The following IPCEF1 variants were observed in gnomAD, a reference collection of about 807,000 sequenced individuals.
IPCEF1 encodes the protein interactor protein for cytohesin exchange factors 1.
Under a neutral mutation model 50.9 loss-of-function variants are expected in IPCEF1, and 31 were observed. The ratio of observed to expected loss-of-function variants is 0.61; its 90% CI spans 0.46 to 0.82. IPCEF1 has a LOEUF of 0.82. Ranked by LOEUF, IPCEF1 falls within the 40% of genes least tolerant of loss-of-function variation. IPCEF1 has a pLI of 0.00. For missense variants in IPCEF1, 458 were observed against 514.0 expected (o/e 0.89, Z 1.05); for synonymous variants, 181 against 192.0 (o/e 0.94, Z 0.47).
intron 2 of IPCEF1, among the ~76,000 whole-genome samples, chr6:154,287,548 T>C (rs1782395416): frequency 6.6e-6 from 1 of 152,212 alleles, no homozygotes; most frequent in African/African-American, 2.4e-5. Flanking sequence ...CCCAAGGTCA[T>C]ACAGATTGGT....
At position 154,167,944 on chromosome 6, in the gene IPCEF1, G is replaced by C. The variant is rs1799569245; in HGVS notation, c.1080C>G (p.Ile360Met). 1 of 1,598,380 alleles carries C rather than the reference G, an allele frequency of 6.3e-7. No homozygotes were observed. Among genetic ancestry groups the C allele is most frequent in the Non-Finnish European group, 8.6e-7 (1 of 1,167,602 alleles). Residue 360 changes from isoleucine (I) to methionine (M), a missense_variant, in exon 11 of 12, where the codon ATC (isoleucine) becomes ATG (methionine). Ile to Met is a conservative substitution (Grantham distance 10). Transcript: ENST00000367220. ...NPSINEKLHK[I>M]RTLNSTLKCK... The stretch of plus-strand genomic sequence containing the variant: ...CCTTTAATGTGCTATTCAATGTTCG[G>C]ATTTTGTGGAGTTTCTCGTTTATAG...
chr6:154,237,389 G>A (rs141737015), intron 5 of IPCEF1, among the ~76,000 whole-genome samples: 46 of 152,284 alleles, frequency 3.0e-4, no homozygotes, highest in African/African-American at 1.0e-3. Flanking sequence ...GTCGGTAGGT[G>A]TATTTTTGGA....
At chr6:154,319,230 A>T (rs1335758227) in intron 1 of IPCEF1, among the ~76,000 whole-genome samples, 2 of 152,134 alleles carry the variant, frequency 1.3e-5, no homozygotes, top group Non-Finnish European at 2.9e-5. Context: ...ATTTGGTTTT[A>T]CTTATCTGGA....
intron 5 of IPCEF1, among the ~76,000 whole-genome samples, chr6:154,226,850 TC>T (rs1426239709): frequency 2.0e-5 from 3 of 151,734 alleles, no homozygotes; most frequent in Admixed American, 2.0e-4. Context: ...ATTTCATCTC[TC>T]CCCCTCCCCC....
At chr6:154,226,747 C>A (rs1051783469) in intron 5 of IPCEF1, among the ~76,000 whole-genome samples, 50 of 152,144 alleles carry the variant, frequency 3.3e-4, no homozygotes, top group African/African-American at 1.2e-3. Context: ...TGATTAAATA[C>A]CCTGCATGGT....
At chr6:154,338,913 G>A (rs943481296) in intron 1 of IPCEF1, among the ~76,000 whole-genome samples, 2 of 152,184 alleles carry the variant, frequency 1.3e-5, no homozygotes, top group East Asian at 1.9e-4. Flanking sequence ...ACTCCAGCCC[G>A]AGTGACACAG....
At chr6:154,263,715 C>G (rs1224314579) in intron 3 of IPCEF1, among the ~76,000 whole-genome samples, 1 of 64,550 alleles carries the variant, frequency 1.5e-5, no homozygotes, top group Non-Finnish European at 2.9e-5. Context: ...TTCTATTCCA[C>G]AAAACCGCCA....
At chr6:154,232,867 TTTA>T (rs1234481729) in intron 5 of IPCEF1, among the ~76,000 whole-genome samples, 1 of 151,786 alleles carries the variant, frequency 6.6e-6, no homozygotes, top group Admixed American at 6.6e-5. Context: ...AATCCAAGAA[TTTA>T]TTATTATTAG....
At chr6:154,263,499 C>A (rs1470628424) in intron 3 of IPCEF1, among the ~76,000 whole-genome samples, 2 of 114,368 alleles carry the variant, frequency 1.7e-5, no homozygotes, top group Non-Finnish European at 3.7e-5. Context: ...CATCTTGCAC[C>A]GCCCTTAATC....
chr6:154,247,880 CAAT>C (rs1468379219), intron 3 of IPCEF1, among the ~76,000 whole-genome samples: 1 of 152,158 alleles, frequency 6.6e-6, no homozygotes. Context: ...TTCTAAATAA[CAAT>C]GATTATTCAG....
chr6:154,249,943 G>T (rs1388920811), intron 3 of IPCEF1, among the ~76,000 whole-genome samples: 1 of 151,408 alleles, frequency 6.6e-6, no homozygotes, highest in Middle Eastern at 3.2e-3. Flanking sequence ...GGGGGAGGGA[G>T]CTTAGTTATT....
At chr6:154,286,477 G>A (rs1782361532) in intron 2 of IPCEF1, among the ~76,000 whole-genome samples, 3 of 152,182 alleles carry the variant, frequency 2.0e-5, no homozygotes. Flanking sequence ...ACATGCTTTT[G>A]CATCAAGATG....
intron 1 of IPCEF1, among the ~76,000 whole-genome samples, chr6:154,310,617 T>C (rs1783054388): frequency 6.6e-6 from 1 of 152,160 alleles, no homozygotes; most frequent in South Asian, 2.1e-4. Flanking sequence ...TTCACAATAG[T>C]TAAGATACAG....
At chr6:154,338,376 G>C (rs1783833491) in intron 1 of IPCEF1, among the ~76,000 whole-genome samples, 1 of 152,182 alleles carries the variant, frequency 6.6e-6, no homozygotes, top group Non-Finnish European at 1.5e-5. Context: ...AAGAGTTTCG[G>C]TGATTTTCCA....
At chr6:154,186,213 C>T (rs1801329627) in intron 10 of IPCEF1, among the ~76,000 whole-genome samples, 1 of 152,228 alleles carries the variant, frequency 6.6e-6, no homozygotes, top group African/African-American at 2.4e-5. Flanking sequence ...TTCTGTGAGG[C>T]ATTTCAAATT....
Position 154,154,861 on chromosome 6 carries a change from A to G in IPCEF1, c.*4967T>C, listed in dbSNP as rs911763850. ...CAGTAAAACTTAAGCTAAGATTTCC[A>G]CATTAATATCTTGCCCCCAAACACC... On this transcript the variant is annotated 3_prime_UTR_variant, in exon 12 of 12. Transcript: ENST00000367220. 1 of 152,738 alleles carries G rather than the reference A, an allele frequency of 6.5e-6. No homozygotes were observed. Among genetic ancestry groups the G allele is most frequent in the Admixed American group, 6.5e-5 (1 of 15,306 alleles). The allele number at this position is 152,738 out of a possible 1,614,324, so 9.5% of individuals were successfully genotyped here.
At chr6:154,160,878 G>A (rs1419041466) in intron 11 of IPCEF1, among the ~76,000 whole-genome samples, 1 of 152,228 alleles carries the variant, frequency 6.6e-6, no homozygotes, top group East Asian at 1.9e-4. Flanking sequence ...CCTCCTGAGC[G>A]AGACCACTGC....
chr6:154,244,322 G>GTA (rs1220647565), intron 5 of IPCEF1, among the ~76,000 whole-genome samples: 1 of 151,710 alleles, frequency 6.6e-6, no homozygotes, highest in Non-Finnish European at 1.5e-5. Flanking sequence ...GTGTGTGTGT[G>GTA]TGTGTTTGTG....
chr6:154,287,100 A>T lies in IPCEF1; in HGVS notation c.-18+2613T>A, dbSNP rs539390201. On this transcript the variant is annotated intron_variant, in intron 2 of 11. Transcript: ENST00000367220. The stretch of plus-strand genomic sequence containing the variant: ...TAGCAAAGCCCCCTTTCTTTTTTTT[A>T]AAATTAAAAAATAAAAATAAATAAA... 3.8e-3 allele frequency among the ~76,000 whole-genome samples: 579 copies of T among 151,820 alleles called. 6 individuals carry two copies. Among genetic ancestry groups the T allele is most frequent in the East Asian group, 0.02 (106 of 5,182 alleles).
Sources: allele counts gnomAD v4.1 joint callset (sites outside exome capture counted in the v4.1 genomes callset), GRCh38; gene constraint gnomAD v4.1.1; transcripts MANE v1.5; gene names NCBI Gene and HGNC (gene_info 2026-07-23, HGNC 2026-07-21).